ASTN2: variants seen among roughly 807,000 people sequenced by gnomAD.
ASTN2 encodes astrotactin-2.
ASTN2 carries 54 observed loss-of-function variants against 139.8 expected under a neutral mutation model. That is an observed-to-expected ratio of 0.39 (90% CI 0.31 to 0.48). The LOEUF (loss-of-function observed/expected upper bound fraction) is 0.48. ASTN2 is among the 20% of genes least tolerant of loss of function. The pLI, the probability that ASTN2 is intolerant of heterozygous loss-of-function variation, is 0.95. For synonymous variants in ASTN2, 756 were observed against 719.5 expected (o/e 1.05, Z -0.81); for missense variants, 1,565 against 1,725.1 (o/e 0.91, Z 1.64).
chr9:117,324,739 G>T (rs1828455792), intron 1 of ASTN2, among the ~76,000 whole-genome samples: 1 of 152,154 alleles, frequency 6.6e-6, no homozygotes, highest in African/African-American at 2.4e-5. Context: ...AGCAAGTGGT[G>T]AGGCTAGAGA....
chr9:117,339,940 A>T (rs1426714779), intron 1 of ASTN2, among the ~76,000 whole-genome samples: 3 of 151,866 alleles, frequency 2.0e-5, no homozygotes, highest in African/African-American at 7.3e-5. Context: ...AGAGGCCCAC[A>T]TGATACCATA....
At chr9:117,263,288 GA>G (rs1166652286) in intron 2 of ASTN2, among the ~76,000 whole-genome samples, 1 of 152,144 alleles carries the variant, frequency 6.6e-6, no homozygotes, top group East Asian at 1.9e-4. Flanking sequence ...AAACCAGAGT[GA>G]AGTATAACTT....
At chr9:117,202,767 G>C (rs1416441080) in intron 3 of ASTN2, among the ~76,000 whole-genome samples, 2 of 152,102 alleles carry the variant, frequency 1.3e-5, no homozygotes, top group African/African-American at 4.8e-5. Context: ...GCCCTTAACA[G>C]TTTTTCCTTC....
intron 5 of ASTN2, among the ~76,000 whole-genome samples, chr9:117,078,860 C>T (rs1369157642): frequency 1.3e-5 from 2 of 152,166 alleles, no homozygotes; most frequent in Admixed American, 1.3e-4. Flanking sequence ...CTCGGCCTCC[C>T]AAGTAGCTGG....
intron 5 of ASTN2, among the ~76,000 whole-genome samples, chr9:117,080,873 T>A (rs1828408254): frequency 6.6e-6 from 1 of 152,124 alleles, no homozygotes; most frequent in Non-Finnish European, 1.5e-5. Context: ...GAATCTACAA[T>A]GTGTATTAAA....
chr9:117,161,012 T>C lies in ASTN2; in HGVS notation c.1016-19534A>G, dbSNP rs1261100990. On this transcript the variant is annotated intron_variant, in intron 3 of 22. Coordinates refer to ENST00000313400, the MANE Select transcript of ASTN2 (RefSeq NM_001365068.1). ...CTTGAAATCAAAAGTAGTGATGACATTTTCTGAGCTGTGAAATTTTGGCAG... is the reference window on the plus strand; with the variant it reads ...CTTGAAATCAAAAGTAGTGATGACACTTTCTGAGCTGTGAAATTTTGGCAG... Among the ~76,000 whole-genome samples, 8 of 152,140 alleles carry C rather than the reference T, an allele frequency of 5.3e-5. No homozygotes were observed. In the South Asian group the frequency reaches 1.0e-3, roughly 20 times the overall value.
At chr9:117,256,306 A>C (rs1350298091) in intron 2 of ASTN2, among the ~76,000 whole-genome samples, 2 of 152,198 alleles carry the variant, frequency 1.3e-5, no homozygotes, top group Non-Finnish European at 2.9e-5. Context: ...TAAATGCTGG[A>C]ATCCTGGGGC....
rs1847234649 is a variant in ASTN2 at position 116,423,393 on chromosome 9, T to C, written c.*2458A>G. 6.6e-6 allele frequency among the ~76,000 whole-genome samples: 1 copy of C among 152,184 alleles called. No homozygotes were observed. The highest frequency in any genetic ancestry group is 6.5e-5 in the Admixed American group (1 of 15,280). ...TCCCTTAAGGGCAATAGCTGGTGAATAGCAGTGTTGTCAGATTCAAACTTA... is the reference window on the plus strand; with the variant it reads ...TCCCTTAAGGGCAATAGCTGGTGAACAGCAGTGTTGTCAGATTCAAACTTA... On this transcript the variant is annotated 3_prime_UTR_variant, in exon 23 of 23. Transcript: ENST00000313400.
intron 1 of ASTN2, among the ~76,000 whole-genome samples, chr9:117,364,651 C>G (rs887561123): frequency 6.6e-6 from 1 of 152,034 alleles, no homozygotes; most frequent in Non-Finnish European, 1.5e-5. Context: ...GGTCTGGCAG[C>G]TATAGAAATG....
At chr9:116,662,436 G>C (rs891571431) in intron 16 of ASTN2, among the ~76,000 whole-genome samples, 3 of 152,054 alleles carry the variant, frequency 2.0e-5, no homozygotes, top group Admixed American at 2.0e-4. Flanking sequence ...AGCTGGGTGT[G>C]GTGGTGGGCA....
chr9:116,864,303 C>T (rs1167865042), intron 10 of ASTN2, among the ~76,000 whole-genome samples: 1 of 152,142 alleles, frequency 6.6e-6, no homozygotes, highest in Non-Finnish European at 1.5e-5. Flanking sequence ...AGCCAAGACA[C>T]AAACGCAGGA....
At chr9:116,521,491 C>T (rs900235845) in intron 19 of ASTN2, among the ~76,000 whole-genome samples, 1 of 152,078 alleles carries the variant, frequency 6.6e-6, no homozygotes, top group African/African-American at 2.4e-5. Flanking sequence ...ATACAAAAAT[C>T]AACTCAAGAT....
At chr9:116,929,030 A>C (rs901009423) in intron 10 of ASTN2, among the ~76,000 whole-genome samples, 2 of 152,192 alleles carry the variant, frequency 1.3e-5, no homozygotes, top group Non-Finnish European at 2.9e-5. Flanking sequence ...GGCATTCCTC[A>C]CATACGCCTC....
intron 5 of ASTN2, among the ~76,000 whole-genome samples, chr9:117,063,326 C>G (rs1441744214): frequency 6.6e-6 from 1 of 152,108 alleles, no homozygotes. Context: ...AACTGTACTC[C>G]CATAATTCCC....
At chr9:116,667,773 C>T (rs1452029500) in intron 16 of ASTN2, among the ~76,000 whole-genome samples, 2 of 152,148 alleles carry the variant, frequency 1.3e-5, no homozygotes, top group African/African-American at 4.8e-5. Flanking sequence ...TTTAGGTTCA[C>T]AGAAAAACTG....
At chr9:116,755,912 G>A (rs1374577188) in intron 13 of ASTN2, among the ~76,000 whole-genome samples, 5 of 152,242 alleles carry the variant, frequency 3.3e-5, no homozygotes, top group Admixed American at 2.6e-4. Context: ...ACAGCTGAGT[G>A]AGACAAGTAA....
At chr9:116,874,635 T>C (rs1396878826) in intron 10 of ASTN2, among the ~76,000 whole-genome samples, 2 of 152,162 alleles carry the variant, frequency 1.3e-5, no homozygotes, top group African/African-American at 4.8e-5. Context: ...CAAATAAAGA[T>C]CCTCAATAAA....
chr9:116,854,966 TC>T (rs199686260), intron 11 of ASTN2, among the ~76,000 whole-genome samples: 52 of 150,266 alleles, frequency 3.5e-4, no homozygotes, highest in African/African-American at 1.0e-3. Flanking sequence ...TTCTCATTAT[TC>T]CCCCCCCACC....
intron 19 of ASTN2, among the ~76,000 whole-genome samples, chr9:116,514,963 C>T (rs1850580174): frequency 6.6e-6 from 1 of 152,066 alleles, no homozygotes; most frequent in African/African-American, 2.4e-5. Flanking sequence ...CGATGCCTCA[C>T]CCTGCTTTGG....
Sources: allele counts gnomAD v4.1 joint callset (sites outside exome capture counted in the v4.1 genomes callset), GRCh38; gene constraint gnomAD v4.1.1; transcripts MANE v1.5; gene names NCBI Gene and HGNC (gene_info 2026-07-23, HGNC 2026-07-21).